C16orf96: variants seen among roughly 807,000 people sequenced by gnomAD.
The protein encoded by C16orf96 is uncharacterized protein C16orf96.
C16orf96 carries 108 observed loss-of-function variants against 103.6 expected under a neutral mutation model. That is an observed-to-expected ratio of 1.04 (90% CI 0.89 to 1.22). The LOEUF (loss-of-function observed/expected upper bound fraction) is 1.22, where lower values mean the gene tolerates loss of function less well. C16orf96 is among the 50% of genes most tolerant of loss of function. The pLI is 0.00. For missense variants in C16orf96, 1,586 were observed against 1,464.2 expected, an observed-to-expected ratio of 1.08 and a Z score of -1.36; for synonymous variants, 566 against 593.5, an observed-to-expected ratio of 0.95 and a Z score of 0.67.
chr16:4,566,980 A>AT (rs1021173887), intron 1 of C16orf96, among the ~76,000 whole-genome samples: 1 of 151,464 alleles, frequency 6.6e-6, no homozygotes, highest in Admixed American at 6.6e-5. Flanking sequence ...TTTCTGTACT[A>AT]TTTTTTTATC....
chr16:4,543,146 C>T, the C16orf96 span, among the ~76,000 whole-genome samples: 59 of 152,066 alleles, frequency 3.9e-4, no homozygotes, highest in African/African-American at 1.7e-4. Context: ...AGGGAGTGCC[C>T]GAACAAGGAA....
At chr16:4,544,577 C>G in the C16orf96 span, among the ~76,000 whole-genome samples, 1 of 152,156 alleles carries the variant, frequency 6.6e-6, no homozygotes, top group African/African-American at 2.4e-5. Flanking sequence ...CTGCTGCACT[C>G]CAGCCTGGGT....
upstream of C16orf96, among the ~76,000 whole-genome samples, chr16:4,555,462 C>T (rs2059254293): frequency 6.6e-6 from 1 of 151,764 alleles, no homozygotes; most frequent in Non-Finnish European, 1.5e-5. Context: ...AAACCTCCAC[C>T]TCCCGGATTT....
chr16:4,578,959 C>T lies in C16orf96; in HGVS notation c.2175C>T (p.Ser725=), dbSNP rs574219728. The T allele has an allele frequency of 2.6e-6, 4 of 1,551,378 alleles. No individual in the cohort carries two copies. The African/African-American group carries it at 4.1e-5, about 16-fold the overall frequency. The change falls in exon 6 of 16, where the codon TCC becomes TCT. Residue 725 remains serine (S), a synonymous_variant. Coordinates refer to ENST00000444310, the MANE Select transcript of C16orf96 (RefSeq NM_001145011.2). ...TTTCAGCCAATATGGGAGGTCCTTC[C>T]AGCCTCGGGACAACAGTGGACATAT... ...LSYLANMGGP[S]SLGTTVDILQ...
At chr16:4,573,751 CAA>C (rs558632038) in intron 2 of C16orf96, among the ~76,000 whole-genome samples, 120 of 94,750 alleles carry the variant, frequency 1.3e-3, no homozygotes, top group Middle Eastern at 6.8e-3. Context: ...GACTCTGTCT[CAA>C]AAAAAAAAAA....
chr16:4,582,328 T>G (rs1684602), intron 7 of C16orf96, among the ~76,000 whole-genome samples: 3 of 151,580 alleles, frequency 2.0e-5, no homozygotes, highest in Admixed American at 6.6e-5. Flanking sequence ...AAATAAATAA[T>G]AACCCACCAA....
intron 2 of C16orf96, among the ~76,000 whole-genome samples, chr16:4,571,998 C>A (rs1333798853): frequency 6.6e-6 from 1 of 152,038 alleles, no homozygotes; most frequent in African/African-American, 2.4e-5. Flanking sequence ...TACAGGCACG[C>A]ACCACCACAT....
intron 1 of C16orf96, among the ~76,000 whole-genome samples, chr16:4,564,197 T>G (rs1352525007): frequency 6.6e-6 from 1 of 152,024 alleles, no homozygotes; most frequent in Non-Finnish European, 1.5e-5. Flanking sequence ...AGATTAGTGG[T>G]AACTGGTTTT....
chr16:4,580,310 A>ACCCCCC (rs150403662), intron 7 of C16orf96, among the ~76,000 whole-genome samples, 185 bp downstream of exon 7: 296 of 104,488 alleles, frequency 2.8e-3, no homozygotes, highest in Non-Finnish European at 3.9e-3. Flanking sequence ...GAATCCCACC[A>ACCCCCC]CCCCCCCCCA....
intron 11 of C16orf96, among the ~76,000 whole-genome samples, chr16:4,592,747 C>G (rs2141759131): frequency 6.6e-6 from 1 of 152,268 alleles, no homozygotes; most frequent in Non-Finnish European, 1.5e-5. Context: ...GCCTATAGTC[C>G]CAGCTACTCA....
intron 5 of C16orf96, among the ~76,000 whole-genome samples, chr16:4,578,505 C>G (rs1320257508): frequency 6.6e-6 from 1 of 152,024 alleles, no homozygotes; most frequent in Non-Finnish European, 1.5e-5. Flanking sequence ...CATGCCTGTA[C>G]TCCCAGCACT....
chr16:4,574,863 G>A, intron 3 of C16orf96, 74 bp downstream of exon 3: 2 of 1,525,344 alleles, frequency 1.3e-6, no homozygotes, highest in East Asian at 2.5e-5. Flanking sequence ...GGTGCTGAGG[G>A]TAGGGAGGTG....
chr16:4,570,597 T>C (rs1225462170), intron 1 of C16orf96, among the ~76,000 whole-genome samples: 1 of 151,858 alleles, frequency 6.6e-6, no homozygotes, highest in Non-Finnish European at 1.5e-5. Flanking sequence ...CCTGAGTAGC[T>C]GGGATTACAG....
intron 9 of C16orf96, among the ~76,000 whole-genome samples, chr16:4,590,862 T>TAAAAA (rs34497616): frequency 1.1e-5 from 1 of 92,806 alleles, no homozygotes; most frequent in Non-Finnish European, 2.2e-5. Context: ...CTACTAAAAG[T>TAAAAA]AAAAAAAAAA....
intron 14 of C16orf96, 75 bp from the exon 15 acceptor site, chr16:4,599,209 C>A: frequency 7.6e-7 from 1 of 1,315,490 alleles, no homozygotes; most frequent in Admixed American, 2.0e-5. Flanking sequence ...GGGAGACTGC[C>A]CAGTGCTGGG....
chr16:4,596,606 C>T (rs548456152), intron 14 of C16orf96, among the ~76,000 whole-genome samples: 7 of 152,188 alleles, frequency 4.6e-5, no homozygotes, highest in African/African-American at 1.4e-4. Context: ...CGCTTGAGCC[C>T]GGGAATTTGA....
At chr16:4,594,599 C>CTGAG in intron 13 of C16orf96, 89 bp downstream of exon 13, 1 of 1,536,904 alleles carries the variant, frequency 6.5e-7, no homozygotes, top group Admixed American at 2.0e-5. Context: ...CAGTGGGCAA[C>CTGAG]CCCAGCAGAG....
In C16orf96 at chr16:4,581,141, C is replaced by CATATATAT. The variant is rs58065868; in HGVS notation, c.2352+1052_2352+1059dup. ...CTCTGTCTAAAAATATATATGTATA[C>CATATATAT]ATATATATATATATATATATATATA... On this transcript the variant is annotated intron_variant, in intron 7 of 15. Coordinates refer to ENST00000444310, the MANE Select transcript of C16orf96 (RefSeq NM_001145011.2). Among the ~76,000 whole-genome samples, 361 of 46,712 alleles carry CATATATAT rather than the reference C, an allele frequency of 7.7e-3. 10 individuals carry two copies. The highest frequency in any genetic ancestry group is 0.016 in the East Asian group (13 of 812). 30.6% of individuals were successfully genotyped at this position (46,712 alleles called of 152,430 possible).
intron 3 of C16orf96, 59 bp from the exon 4 acceptor site, chr16:4,574,913 T>C: frequency 6.6e-7 from 1 of 1,526,430 alleles, no homozygotes; most frequent in Non-Finnish European, 8.9e-7. Flanking sequence ...TCTTTGCAGG[T>C]GTGGGGGACA....
Sources: allele counts gnomAD v4.1 joint callset (sites outside exome capture counted in the v4.1 genomes callset), GRCh38; gene constraint gnomAD v4.1.1; transcripts MANE v1.5; gene names NCBI Gene and HGNC (gene_info 2026-07-23, HGNC 2026-07-21).